Variants in LUZP1 observed in about 807,000 individuals in gnomAD.
The protein encoded by LUZP1 is leucine zipper protein 1.
Under a neutral mutation model 71.3 loss-of-function variants are expected in LUZP1, and 25 were observed. The observed-to-expected ratio is 0.35, with a 90% CI of 0.26 to 0.49. The LOEUF (loss-of-function observed/expected upper bound fraction) is 0.49, where lower values mean the gene tolerates loss of function less well. LUZP1 is among the 20% of genes least tolerant of loss of function. The probability of loss-of-function intolerance (pLI) is 0.99; values close to 1 mark genes in which losing one functional copy is unlikely to be tolerated. For synonymous variants in LUZP1, 481 were observed against 506.4 expected, an observed-to-expected ratio of 0.95 and a Z score of 0.67; for missense variants, 1,142 against 1,300.8, an observed-to-expected ratio of 0.88 and a Z score of 1.88.
exon 4 of LUZP1, chr1:23,091,912 C>G (rs779054767): frequency 6.2e-7 from 1 of 1,614,066 alleles, no homozygotes; most frequent in African/African-American, 1.3e-5. Context: ...GGTTTGGAGA[C>G]GGGTTTCTGT....
At chr1:23,163,714 G>A (rs1352285384) in intron 2 of LUZP1, among the ~76,000 whole-genome samples, 1 of 152,180 alleles carries the variant, frequency 6.6e-6, no homozygotes, top group Non-Finnish European at 1.5e-5. Context: ...TGCTTGTCAT[G>A]TTGTGGCTCA....
At chr1:23,138,895 G>T (rs1644277704) in intron 2 of LUZP1, among the ~76,000 whole-genome samples, 1 of 148,434 alleles carries the variant, frequency 6.7e-6, no homozygotes, top group Non-Finnish European at 1.5e-5. Flanking sequence ...CTACTCGGGA[G>T]GCTGAGGCAG....
chr1:23,120,925 G>A (rs866095309), intron 2 of LUZP1, among the ~76,000 whole-genome samples: 2 of 152,150 alleles, frequency 1.3e-5, no homozygotes, highest in African/African-American at 2.4e-5. Flanking sequence ...CTCTACAAAC[G>A]AGGTGGATCA....
intron 2 of LUZP1, among the ~76,000 whole-genome samples, chr1:23,117,208 G>C (rs1644086353): frequency 6.6e-6 from 1 of 151,976 alleles, no homozygotes; most frequent in Non-Finnish European, 1.5e-5. Flanking sequence ...ACCACACATG[G>C]GATTGAAAGT....
intron 2 of LUZP1, among the ~76,000 whole-genome samples, chr1:23,149,564 G>A (rs1167767590): frequency 6.6e-6 from 1 of 152,148 alleles, no homozygotes; most frequent in Non-Finnish European, 1.5e-5. Context: ...CAGACATTGG[G>A]TCTTTTGAAT....
chr1:23,151,565 C>T (rs1467840397), intron 2 of LUZP1, among the ~76,000 whole-genome samples: 1 of 152,178 alleles, frequency 6.6e-6, no homozygotes, highest in African/African-American at 2.4e-5. Context: ...TTCTAACTCT[C>T]CCGGTTCCCC....
At chr1:23,123,823 C>T (rs1195914645) in intron 2 of LUZP1, among the ~76,000 whole-genome samples, 1 of 152,144 alleles carries the variant, frequency 6.6e-6, no homozygotes, top group Non-Finnish European at 1.5e-5. Flanking sequence ...CTAAGCCACC[C>T]TATATAGACC....
At position 23,094,678 on chromosome 1, in the gene LUZP1, A is replaced by G. The variant is rs1351519471; in HGVS notation, c.-119-298T>C. ...TATAATAACATCATTACCATCTGCA[A>G]CCTGCATAATCTCAGGAGAGTCATT... On this transcript the variant is annotated intron_variant, in intron 3 of 4. Transcript: ENST00000302291. This position sits in a 1 kb window ranked among gnomAD's most constrained non-coding sequence, Gnocchi z 4.7. Among the ~76,000 whole-genome samples the G allele has an allele frequency of 6.6e-6, 1 of 152,216 alleles. No homozygotes were observed. The highest frequency in any genetic ancestry group is 1.5e-5 in the Non-Finnish European group (1 of 68,040).
At chr1:23,161,420 G>A (rs1010426125) in intron 2 of LUZP1, among the ~76,000 whole-genome samples, 2 of 152,116 alleles carry the variant, frequency 1.3e-5, no homozygotes, top group Non-Finnish European at 2.9e-5. Context: ...GTTCGAGGAA[G>A]ACAGAGCCAT....
At chr1:23,120,610 G>C (rs571761950) in intron 2 of LUZP1, among the ~76,000 whole-genome samples, 1 of 151,714 alleles carries the variant, frequency 6.6e-6, no homozygotes, top group Non-Finnish European at 1.5e-5. Context: ...CTCTTCTCTC[G>C]ACCTCCCAAA....
chr1:23,119,944 GTTTT>G (rs796427865), intron 2 of LUZP1, among the ~76,000 whole-genome samples: 2 of 146,036 alleles, frequency 1.4e-5, no homozygotes, highest in Admixed American at 6.9e-5. Flanking sequence ...TTTGTTGGTA[GTTTT>G]TTTTTTTTTT....
chr1:23,141,168 T>C (rs560785919), intron 2 of LUZP1: 1 of 152,432 alleles, frequency 6.6e-6, no homozygotes, highest in East Asian at 1.9e-4. Context: ...GCCTGGCTCT[T>C]GGAGAACGGG....
At chr1:23,127,015 G>C (rs896898382) in intron 2 of LUZP1, among the ~76,000 whole-genome samples, 2 of 152,206 alleles carry the variant, frequency 1.3e-5, no homozygotes, top group South Asian at 4.1e-4. Context: ...AACAAAAGCA[G>C]CACACTGTAT....
At chr1:23,158,142 G>C (rs534291285) in intron 2 of LUZP1, among the ~76,000 whole-genome samples, 1 of 152,270 alleles carries the variant, frequency 6.6e-6, no homozygotes, top group African/African-American at 2.4e-5. Context: ...ATACTGAAAA[G>C]TAATGAAAAA....
intron 1 of LUZP1, among the ~76,000 whole-genome samples, chr1:23,171,197 G>A (rs1017377473): frequency 6.6e-6 from 1 of 151,442 alleles, no homozygotes; most frequent in African/African-American, 2.4e-5. Context: ...ACACCACACA[G>A]CACCTCATAA....
At chr1:23,151,405 C>T (rs1251915649) in intron 2 of LUZP1, among the ~76,000 whole-genome samples, 1 of 152,108 alleles carries the variant, frequency 6.6e-6, no homozygotes, top group Non-Finnish European at 1.5e-5. Context: ...ATAGATAACA[C>T]CAGTTAATAT....
Position 23,093,959 on chromosome 1 carries a change from G to C in LUZP1, c.303C>G (p.Asn101Lys), listed in dbSNP as rs1183423675. Residue 101 changes from asparagine to lysine, a missense_variant, in exon 4 of 5, where the codon AAC becomes AAG. Asn to Lys is a moderately conservative substitution (Grantham distance 94). Coordinates refer to ENST00000302291, the Ensembl canonical transcript of LUZP1. The surrounding 1 kb of genome is among the most constrained non-coding windows in gnomAD (Gnocchi z 4.2). Reference sequence around the variant, plus strand: ...TCTCAGATTTCAGCTCCCGGGTGAGGTTTTCTTCCTCTTCAAGTTTCTCCT... The same window carrying C: ...TCTCAGATTTCAGCTCCCGGGTGAGCTTTTCTTCCTCTTCAAGTTTCTCCT... The C allele has an allele frequency of 1.9e-6, 3 of 1,614,030 alleles. No homozygotes were observed. Among genetic ancestry groups the C allele is most frequent in the African/African-American group, 1.3e-5 (1 of 74,904 alleles).
At chr1:23,142,696 TATATACACAC>T (rs772067857) in intron 2 of LUZP1, among the ~76,000 whole-genome samples, 8,181 of 89,820 alleles carry the variant, frequency 0.091, 325 homozygotes, top group Admixed American at 0.21. Context: ...AATATATATA[TATATACACAC>T]ACACACACAC....
chr1:23,086,311 A>G (rs1457773622), exon 5 of LUZP1: 1 of 152,668 alleles, frequency 6.6e-6, no homozygotes, highest in African/African-American at 2.4e-5. Context: ...AAATCTATCT[A>G]GAAAGTGTGC....
Sources: allele counts gnomAD v4.1 joint callset (sites outside exome capture counted in the v4.1 genomes callset), GRCh38; gene constraint gnomAD v4.1.1; non-coding constraint Gnocchi (gnomAD v3.1); transcripts MANE v1.5; gene names NCBI Gene and HGNC (gene_info 2026-07-23, HGNC 2026-07-21).